TTN: variants seen among roughly 807,000 people sequenced by gnomAD.
The protein encoded by TTN is titin.
In TTN, 1,525 loss-of-function variants were observed where a neutral mutation model predicts 3,223.0. The observed-to-expected ratio is 0.47, with a 90% CI of 0.45 to 0.49. The LOEUF (loss-of-function observed/expected upper bound fraction) is 0.49, where lower values mean the gene tolerates loss of function less well. TTN is among the 20% of genes least tolerant of loss of function. The pLI is 0.00. For synonymous variants in TTN, 14,094 were observed against 15,161.0 expected (o/e 0.93, Z 5.17); for missense variants, 40,786 against 43,424.0 (o/e 0.94, Z 5.40).
Position 178,545,637 on chromosome 2 carries a change from T to G in TTN, c.95473A>C (p.Ile31825Leu). Residue 31825 changes from isoleucine to leucine, a missense_variant, in exon 344 of 363, where the codon ATC becomes CTC. Physicochemically the swap from Ile to Leu is conservative, Grantham distance 5. Transcript: ENST00000589042. ...EEVGTGKEHI[I>L]IQWTKPESDG... ...GATTCAGGTTTTGTCCACTGAATGA[T>G]GATATGCTCTTTGCCAGTCCCAACT... 6.2e-7 allele frequency: 1 copy of G among 1,613,832 alleles called. No individual in the cohort carries two copies. Among genetic ancestry groups the G allele is most frequent in the South Asian group, 1.1e-5 (1 of 91,078 alleles).
chr2:178,672,638 T>A lies in TTN; in HGVS notation c.34852A>T (p.Lys11618Ter). ...AGGTTTAAAAGAGAAGATGTACCTT[T>A]GGCTGGGGGTGCCTCTTTTTTCTGA... is the stretch of plus-strand genomic sequence containing the variant. ...PVQKKEAPPA[K>*]VPEVPKKVPE... The change falls in exon 153 of 363, where the codon AAA becomes TAA. Residue 11618 changes from lysine to a stop codon, truncating the protein, a stop_gained. Coordinates refer to ENST00000589042, the MANE Select transcript of TTN (RefSeq NM_001267550.2). LOFTEE classifies it high-confidence loss of function. 1 of 1,611,448 alleles carries A rather than the reference T, an allele frequency of 6.2e-7. No homozygotes were observed. Among genetic ancestry groups the A allele is most frequent in the East Asian group, 2.2e-5 (1 of 44,804 alleles).
rs1177091139 is a variant in TTN at position 178,583,872 on chromosome 2, G to A, written c.65310C>T (p.Thr21770=). 1.9e-6 allele frequency: 3 copies of A among 1,598,088 alleles called. No homozygotes were observed. The highest frequency in any genetic ancestry group is 4.5e-5 in the East Asian group (2 of 44,220). The change falls in exon 312 of 363, where the codon ACC becomes ACT. Residue 21770 remains threonine (T), a synonymous_variant. Coordinates refer to ENST00000589042, the MANE Select transcript of TTN (RefSeq NM_001267550.2). The stretch of plus-strand genomic sequence containing the variant: ...CCCAGATCAGAGATACAGTACTCTT[G>A]GTGACATCAATAACCTCAGGTTTCC... The part of the protein sequence containing the change: ...PPGKPEVIDV[T]KSTVSLIWAR...
Position 178,746,003 on chromosome 2 carries a change from C to A in TTN, c.11312-4082G>T, listed in dbSNP as rs886234912. 1 of 1,613,148 alleles carries A rather than the reference C, an allele frequency of 6.2e-7. No homozygotes were observed. Among genetic ancestry groups the A allele is most frequent in the Non-Finnish European group, 8.5e-7 (1 of 1,179,386 alleles). The stretch of plus-strand genomic sequence containing the variant: ...TTCAGAATCTCCCATGGTGAGGAAT[C>A]CCCGACAGATAGCCTCTCCTACACA... On this transcript the variant is annotated intron_variant, in intron 47 of 362. Coordinates refer to ENST00000589042, the MANE Select transcript of TTN (RefSeq NM_001267550.2).
chr2:178,671,944 T>G lies in TTN; in HGVS notation c.35227+27A>C, dbSNP rs1023388282. On this transcript the variant is annotated intron_variant, in intron 155 of 362. Transcript: ENST00000589042. ...GAAAGTTAGAGCAAGATATAAGAAT[T>G]TGTAGTATTTGAAGAATTCCCTATA... The G allele has an allele frequency of 5.1e-6, 8 of 1,575,616 alleles. No individual in the cohort carries two copies. In the African/African-American group the frequency reaches 1.1e-4, roughly 22 times the overall value.
At position 178,710,831 on chromosome 2, in the gene TTN, G is replaced by A. The variant is rs1202000012; in HGVS notation, c.28266C>T (p.Gly9422=). 6.2e-7 allele frequency: 1 copy of A among 1,613,716 alleles called. No individual in the cohort carries two copies. Among genetic ancestry groups the A allele is most frequent in the East Asian group, 2.2e-5 (1 of 44,882 alleles). Residue 9422 remains glycine (G), a synonymous_variant, in exon 98 of 363, where the codon GGC becomes GGT. Coordinates refer to ENST00000589042, the MANE Select transcript of TTN (RefSeq NM_001267550.2). The part of the protein sequence containing the change: ...ESADFECHVT[G]TQPIKVSWAK... ...CCCAGCTGACCTTTATCGGTTGTGT[G>A]CCCGTGACGTGGCACTCAAAGTCAG...
Position 178,654,253 on chromosome 2 carries a change from C to A in TTN, c.38335G>T (p.Val12779Leu). 1 of 1,600,362 alleles carries A rather than the reference C, an allele frequency of 6.2e-7. No individual in the cohort carries two copies. Among genetic ancestry groups the A allele is most frequent in the Non-Finnish European group, 8.5e-7 (1 of 1,177,832 alleles). Residue 12779 changes from valine (V) to leucine (L), a missense_variant, in exon 193 of 363, where the codon GTA becomes TTA. Val to Leu is a conservative substitution (Grantham distance 32, BLOSUM62 1). Transcript: ENST00000589042. The stretch of plus-strand genomic sequence containing the variant: ...GGTTTTTTGGGCACAGCCACAGATA[C>A]TTTCTTTTCAAGTACAACTTCTTTA... ...APKEVVLEKK[V>L]SVAVPKKPEA...
chr2:178,694,642 T>G lies in TTN; in HGVS notation c.31383A>C (p.Lys10461Asn). ...PEVSKKIVPQ[K>N]PSRTPVQEEV... ...CTTCCTGTACTGGAGTCCGGGAAGGTTTTTGTGGAACAATCTTCTTTGAAA... is the reference window on the plus strand; with the variant it reads ...CTTCCTGTACTGGAGTCCGGGAAGGGTTTTGTGGAACAATCTTCTTTGAAA... The change falls in exon 117 of 363, where the codon AAA becomes AAC. Residue 10461 changes from lysine (K) to asparagine (N), a missense_variant. Transcript: ENST00000589042. 6.4e-7 allele frequency: 1 copy of G among 1,559,162 alleles called. No homozygotes were observed. The highest frequency in any genetic ancestry group is 8.7e-7 in the Non-Finnish European group (1 of 1,150,150).
chr2:178,645,663 T>C (rs189822147), intron 217 of TTN: 29 of 271,826 alleles, frequency 1.1e-4, no homozygotes, highest in South Asian at 7.7e-4. Flanking sequence ...AGAAAGTTAA[T>C]TGGACAGTGC....
Position 178,785,943 on chromosome 2 carries a change from C to T in TTN, c.2275G>A (p.Val759Ile), listed in dbSNP as rs769333723. The T allele has an allele frequency of 1.2e-5, 19 of 1,613,940 alleles. No individual in the cohort carries two copies. The highest frequency in any genetic ancestry group is 1.5e-5 in the Non-Finnish European group (18 of 1,180,006). The change falls in exon 14 of 363, where the codon GTT (valine) becomes ATT (isoleucine). Residue 759 changes from valine to isoleucine, a missense_variant. Physicochemically the swap from Val to Ile is conservative, Grantham distance 29. Transcript: ENST00000589042. Reference sequence around the variant, plus strand: ...CTAGGCTTGACTGCTTTAGGGACAACGTGGGGTTCTGAGGCTGGACGTTGG... The same window carrying T: ...CTAGGCTTGACTGCTTTAGGGACAATGTGGGGTTCTGAGGCTGGACGTTGG... ...PPQRPASEPH[V>I]VPKAVKPRVI...
At chr2:178,669,821 T>G in intron 157 of TTN, 146 bp from the exon 158 acceptor site, 1 of 769,796 alleles carries the variant, frequency 1.3e-6, no homozygotes, top group Non-Finnish European at 2.1e-6. Flanking sequence ...TCATTGCATT[T>G]CTCTGAATTG....
At chr2:178,737,900 G>A (rs1421324676) in intron 49 of TTN, 182 bp downstream of exon 49, 1 of 624,232 alleles carries the variant, frequency 1.6e-6, no homozygotes, top group African/African-American at 1.8e-5. Flanking sequence ...TAGTAGAAAT[G>A]TGACTGTAAA....
rs1196912169 is a variant in TTN, at chr2:178,568,638, T to C, written c.77494A>G (p.Thr25832Ala). ...SGRPKPTITW[T>A]KDGLPLKQTT... ...TGCTTCAGTGGGAGACCATCTTTAG[T>C]CCAGGTAATGGTTGGCTTAGGACGT... Residue 25832 changes from threonine (T) to alanine (A), a missense_variant, in exon 326 of 363, where the codon ACT becomes GCT. By Grantham distance (58) the Thr-to-Ala change is moderately conservative (BLOSUM62 0). Transcript: ENST00000589042. The C allele has an allele frequency of 6.2e-7, 1 of 1,613,416 alleles. No homozygotes were observed. The highest frequency in any genetic ancestry group is 1.7e-5 in the Admixed American group (1 of 59,966).
rs2081048449 is a variant in TTN at position 178,734,255 on chromosome 2, A to C, written c.15496+73T>G. 8.9e-6 allele frequency: 13 copies of C among 1,459,392 alleles called. No homozygotes were observed. The South Asian group carries it at 1.9e-4, about 22-fold the overall frequency. The allele number at this position is 1,459,392 out of a possible 1,614,324, so 90.4% of individuals were successfully genotyped here. On this transcript the variant is annotated intron_variant, in intron 52 of 362. Coordinates refer to ENST00000589042, the MANE Select transcript of TTN (RefSeq NM_001267550.2). ...GGATAGGACAAGAGAAGAAAGTACC[A>C]GTTTTTCTTCCATGGGGTAAGAAAG...
intron 177 of TTN, 42 bp downstream of exon 177, chr2:178,662,296 G>T: frequency 7.7e-7 from 1 of 1,297,614 alleles, no homozygotes; most frequent in Non-Finnish European, 1.0e-6. Flanking sequence ...AGTAGGAGAG[G>T]AGATATCTCT....
In TTN at chr2:178,528,367, G is replaced by T. The variant is rs1477669354; in HGVS notation, c.107284C>A (p.Arg35762=). The change falls in exon 361 of 363, where the codon CGA becomes AGA. Residue 35762 remains arginine, a synonymous_variant. Transcript: ENST00000589042. ...RSRNVYSLEI[R]NASVSDSGKY... ...CCACTGTCGCTGACTGATGCATTTCGGATTTCAAGGGAGTATACATTTCTG... is the reference window on the plus strand; with the variant it reads ...CCACTGTCGCTGACTGATGCATTTCTGATTTCAAGGGAGTATACATTTCTG... 6.2e-7 allele frequency: 1 copy of T among 1,613,886 alleles called. No individual in the cohort carries two copies. The highest frequency in any genetic ancestry group is 1.3e-5 in the African/African-American group (1 of 75,036).
At chr2:178,624,319 G>A (rs1483794579) in intron 242 of TTN, 146 bp downstream of exon 242, 1 of 927,542 alleles carries the variant, frequency 1.1e-6, no homozygotes. Flanking sequence ...AACACATAAA[G>A]GATCAGGTTA....
chr2:178,771,092 G>T, intron 34 of TTN, 119 bp downstream of exon 34: 1 of 1,491,672 alleles, frequency 6.7e-7, no homozygotes, highest in South Asian at 1.2e-5. Context: ...AGAGGATCTA[G>T]AATGACTTTA....
At position 178,614,847 on chromosome 2, in the gene TTN, C is replaced by T; in HGVS notation, c.48760G>A (p.Glu16254Lys). Reference sequence around the variant, plus strand: ...TAAGACAAAAATCAAAAATAGATACCTTGTGTGTCCACAGCCTGGATTTCC... The same window carrying T: ...TAAGACAAAAATCAAAAATAGATACTTTGTGTGTCCACAGCCTGGATTTCC... ...TEEIQAVDTQ[E>K]APEIFLDVKL... Residue 16254 changes from glutamate (E) to lysine (K), a missense_variant and splice_region_variant, in exon 260 of 363, where the codon GAG (glutamate) becomes AAG (lysine). Physicochemically the swap from Glu to Lys is moderately conservative, Grantham distance 56. Coordinates refer to ENST00000589042, the MANE Select transcript of TTN (RefSeq NM_001267550.2). 6.4e-7 allele frequency: 1 copy of T among 1,571,310 alleles called. No individual in the cohort carries two copies. Among genetic ancestry groups the T allele is most frequent in the Non-Finnish European group, 8.6e-7 (1 of 1,157,008 alleles).
chr2:178,584,956 G>A lies in TTN; in HGVS notation c.64685C>T (p.Pro21562Leu). ...IKVVVMDAPGPPQPPFDISDI... is the reference protein window; with the variant it reads ...IKVVVMDAPGLPQPPFDISDI... ...AGAAATGTCAAATGGAGGCTGAGGG[G>A]GGCCGGGGGCATCTACATGAACCAA... The change falls in exon 310 of 363, where the codon CCC becomes CTC. Residue 21562 changes from proline to leucine, a missense_variant. Transcript: ENST00000589042. 1 of 1,613,114 alleles carries A rather than the reference G, an allele frequency of 6.2e-7. No homozygotes were observed. The highest frequency in any genetic ancestry group is 1.1e-5 in the South Asian group (1 of 90,994).
Sources: allele counts gnomAD v4.1 joint callset, GRCh38; gene constraint gnomAD v4.1.1; transcripts MANE v1.5; gene names NCBI Gene and HGNC (gene_info 2026-07-23, HGNC 2026-07-21).